Variants in MAD1L1 observed in about 807,000 individuals in gnomAD.
The protein encoded by MAD1L1 is mitotic spindle assembly checkpoint protein MAD1.
In MAD1L1, 95 loss-of-function variants were observed where a neutral mutation model predicts 96.9. That is an observed-to-expected ratio of 0.98 (90% CI 0.83 to 1.16). The LOEUF (loss-of-function observed/expected upper bound fraction) is 1.16, where lower values mean the gene tolerates loss of function less well. Among genes scored for constraint, MAD1L1 ranks in the 50% most tolerant of loss-of-function variants. MAD1L1 has a pLI of 0.00. For synonymous variants in MAD1L1, 473 were observed against 396.6 expected, an observed-to-expected ratio of 1.19 and a Z score of -2.29; for missense variants, 1,007 against 954.4, an observed-to-expected ratio of 1.06 and a Z score of -0.73.
chr7:2,075,160 A>G (rs1785317234), intron 11 of MAD1L1, among the ~76,000 whole-genome samples: 1 of 152,166 alleles, frequency 6.6e-6, no homozygotes. Context: ...AGACCCGAGG[A>G]AGTGGCAATT....
chr7:1,816,782 C>T (rs1198998364), intron 18 of MAD1L1, among the ~76,000 whole-genome samples: 1 of 151,996 alleles, frequency 6.6e-6, no homozygotes, highest in African/African-American at 2.4e-5. Flanking sequence ...CCAGGGGACA[C>T]AGGGCAGGAG....
chr7:2,157,255 G>C (rs1216315424), intron 10 of MAD1L1, among the ~76,000 whole-genome samples: 1 of 152,188 alleles, frequency 6.6e-6, no homozygotes, highest in African/African-American at 2.4e-5. Context: ...CTGTTGTGGG[G>C]AGGCCTGGCT....
At chr7:2,109,979 T>A (rs1203595614) in intron 11 of MAD1L1, among the ~76,000 whole-genome samples, 2 of 149,362 alleles carry the variant, frequency 1.3e-5, no homozygotes, top group African/African-American at 5.2e-5. Flanking sequence ...AAGCGTGGGC[T>A]CAGCACAGTT....
At chr7:2,232,177 C>G (rs960621576) in intron 1 of MAD1L1, among the ~76,000 whole-genome samples, 2 of 152,198 alleles carry the variant, frequency 1.3e-5, no homozygotes, top group African/African-American at 2.4e-5. Context: ...AACAGCCAAG[C>G]GCGTTTAAAA....
intron 12 of MAD1L1, among the ~76,000 whole-genome samples, chr7:2,047,857 G>A (rs1053181433): frequency 3.9e-5 from 6 of 152,020 alleles, no homozygotes; most frequent in Non-Finnish European, 4.4e-5. Context: ...AATCACACAC[G>A]TGCACTCACG....
At chr7:1,847,559 A>G in intron 18 of MAD1L1, 1 of 471,114 alleles carries the variant, frequency 2.1e-6, no homozygotes, top group Non-Finnish European at 4.4e-6. Context: ...ACTGTCCAGC[A>G]GCTGCCTTCG....
intron 14 of MAD1L1, among the ~76,000 whole-genome samples, chr7:1,999,809 C>T (rs957090199): frequency 9.9e-5 from 15 of 152,222 alleles, no homozygotes; most frequent in African/African-American, 3.1e-4. Flanking sequence ...AATGAAACGC[C>T]GGCCGCAGGG....
intron 10 of MAD1L1, among the ~76,000 whole-genome samples, chr7:2,165,871 G>A (rs1189194424): frequency 1.3e-5 from 2 of 152,302 alleles, no homozygotes; most frequent in African/African-American, 2.4e-5. Context: ...CCACAGCCCC[G>A]CTGACAAAGG....
At chr7:1,947,248 G>A (rs368172616) in intron 16 of MAD1L1, among the ~76,000 whole-genome samples, 25 of 152,320 alleles carry the variant, frequency 1.6e-4, no homozygotes, top group African/African-American at 6.0e-4. Context: ...CAAGGTCCCT[G>A]CTGGGGAGGA....
chr7:2,136,720 G>A (rs1225505223), intron 11 of MAD1L1, among the ~76,000 whole-genome samples: 1 of 152,204 alleles, frequency 6.6e-6, no homozygotes, highest in East Asian at 1.9e-4. Context: ...GGAGGCCATG[G>A]TGGGAGGGCC....
intron 12 of MAD1L1, among the ~76,000 whole-genome samples, chr7:2,050,621 G>A (rs1784127286): frequency 6.6e-6 from 1 of 152,174 alleles, no homozygotes; most frequent in Admixed American, 6.5e-5. Flanking sequence ...TGGACACAGG[G>A]ACCCAGGCAC....
rs541980243 is a variant in MAD1L1 at position 2,230,026 on chromosome 7, C to G, written c.108G>C (p.Ser36=). The part of the protein sequence containing the change: ...EGGSGLDIST[S]APGSLQMQYQ... Reference sequence around the variant, plus strand: ...ACTGCATCTGCAGAGAACCTGGGGCCGAGGTAGAAATATCCAGTCCAGAGC... The same window carrying G: ...ACTGCATCTGCAGAGAACCTGGGGCGGAGGTAGAAATATCCAGTCCAGAGC... Residue 36 remains serine (S), a synonymous_variant, in exon 3 of 19, where the codon TCG becomes TCC. Coordinates refer to ENST00000265854, the MANE Select transcript of MAD1L1 (RefSeq NM_001013836.2). 1.9e-6 allele frequency: 3 copies of G among 1,613,528 alleles called. No homozygotes were observed. The highest frequency in any genetic ancestry group is 2.5e-6 in the Non-Finnish European group (3 of 1,180,008).
rs572924090 is a variant in MAD1L1, at chr7:2,210,943, G to A, written c.986+2269C>T. ...TCACGTCGGATCTTCACACGCAGTT[G>A]GGGAGAAGAGCTCCGTGTCCCCCTT... On this transcript the variant is annotated intron_variant, in intron 10 of 18. Transcript: ENST00000265854. Among the ~76,000 whole-genome samples the A allele has an allele frequency of 2.6e-5, 4 of 152,338 alleles. No homozygotes were observed. The South Asian group carries it at 8.3e-4, about 32-fold the overall frequency.
intron 14 of MAD1L1, among the ~76,000 whole-genome samples, chr7:1,996,565 G>A (rs931244207): frequency 6.6e-6 from 1 of 152,232 alleles, no homozygotes; most frequent in African/African-American, 2.4e-5. Flanking sequence ...CCTGCCGCTA[G>A]GCCCGACTCA....
At chr7:1,978,940 G>A (rs1583979604) in intron 15 of MAD1L1, among the ~76,000 whole-genome samples, 1 of 152,252 alleles carries the variant, frequency 6.6e-6, no homozygotes, top group African/African-American at 2.4e-5. Context: ...CAGAGAGGGC[G>A]ATGTGTAAGG....
chr7:2,024,103 A>G (rs898265028), intron 12 of MAD1L1, among the ~76,000 whole-genome samples: 5 of 151,664 alleles, frequency 3.3e-5, no homozygotes, highest in African/African-American at 1.2e-4. Flanking sequence ...CAGGTTAACC[A>G]ACATTAAAAA....
At position 2,183,772 on chromosome 7, in the gene MAD1L1, G is replaced by A. The variant is rs567663615; in HGVS notation, c.986+29440C>T. ...TGTCGTGGGGTGGGGGGAGCGGGGA[G>A]GGACAGCATTAGGAGATATACCTAA... On this transcript the variant is annotated intron_variant, in intron 10 of 18. Coordinates refer to ENST00000265854, the MANE Select transcript of MAD1L1 (RefSeq NM_001013836.2). Among the ~76,000 whole-genome samples the A allele has an allele frequency of 1.8e-4, 28 of 152,098 alleles. 1 individual carries two copies. In the South Asian group the frequency reaches 2.1e-3, roughly 11 times the overall value.
chr7:1,838,987 T>C (rs1022865376), intron 18 of MAD1L1: 2 of 366,716 alleles, frequency 5.5e-6, no homozygotes, highest in African/African-American at 4.3e-5. Flanking sequence ...GACCCCAGAT[T>C]TGAGGCAGCC....
At chr7:1,847,302 G>C in intron 18 of MAD1L1, 1 of 471,082 alleles carries the variant, frequency 2.1e-6, no homozygotes, top group South Asian at 1.5e-5. Context: ...TGCAGGAGCC[G>C]CTGGATTACA....
Sources: allele counts gnomAD v4.1 joint callset (sites outside exome capture counted in the v4.1 genomes callset), GRCh38; gene constraint gnomAD v4.1.1; transcripts MANE v1.5; gene names NCBI Gene and HGNC (gene_info 2026-07-23, HGNC 2026-07-21).